Variants in PSMA4 observed in about 807,000 individuals in gnomAD.
The protein encoded by PSMA4 is proteasome 20S subunit alpha 4.
A neutral mutation model predicts 37.2 loss-of-function variants in PSMA4; 8 were observed. The ratio of observed to expected loss-of-function variants is 0.22; its 90% CI spans 0.13 to 0.39. PSMA4 has a LOEUF of 0.39. Ranked by LOEUF, PSMA4 falls within the 10% of genes least tolerant of loss-of-function variation. The pLI, the probability that PSMA4 is intolerant of heterozygous loss-of-function variation, is 1.00. For missense variants in PSMA4, 169 were observed against 305.1 expected, an observed-to-expected ratio of 0.55 and a Z score of 3.32; for synonymous variants, 93 against 98.8, an observed-to-expected ratio of 0.94 and a Z score of 0.35.
At chr15:78,545,806 A>T in intron 7 of PSMA4, 42 bp downstream of exon 7, 1 of 1,600,272 alleles carries the variant, frequency 6.2e-7, no homozygotes, top group Non-Finnish European at 8.6e-7. Context: ...CAGAATGTCT[A>T]ATAACTGCCA....
At chr15:78,541,453 C>T (rs1453666718) in intron 1 of PSMA4, 1 of 164,414 alleles carries the variant, frequency 6.1e-6, no homozygotes, top group Non-Finnish European at 1.3e-5. Flanking sequence ...AAAGCATCAG[C>T]AGTTTATCTC....
At chr15:78,543,440 A>G (rs2052491818) in intron 4 of PSMA4, among the ~76,000 whole-genome samples, 1 of 152,118 alleles carries the variant, frequency 6.6e-6, no homozygotes, top group African/African-American at 2.4e-5. Flanking sequence ...ATGCACCTCT[A>G]GTAGGAGCCT....
chr15:78,548,287 A>G (rs139856967), intron 8 of PSMA4, among the ~76,000 whole-genome samples: 280 of 152,096 alleles, frequency 1.8e-3, no homozygotes, highest in Non-Finnish European at 3.0e-3. Flanking sequence ...TCTTTTGTCT[A>G]CTTCCACCCA....
At chr15:78,540,850 G>C (rs2052435675) in intron 1 of PSMA4, 1 of 152,274 alleles carries the variant, frequency 6.6e-6, no homozygotes, top group African/African-American at 2.4e-5. Flanking sequence ...GTGAAAGTTA[G>C]CTCTCCCGGA....
Position 78,549,276 on chromosome 15 carries a change from A to C in PSMA4, c.*332A>C, listed in dbSNP as rs1353750928. 5.9e-6 allele frequency: 1 copy of C among 170,458 alleles called. No homozygotes were observed. Among genetic ancestry groups the C allele is most frequent in the Non-Finnish European group, 1.2e-5 (1 of 81,004 alleles). The allele number at this position is 170,458 out of a possible 1,614,324, so 10.6% of individuals were successfully genotyped here. ...TTACTTTTTGCACATTGTGGCTTAC[A>C]GTCCTTTCACAAAGATGGGCACGTT... On this transcript the variant is annotated 3_prime_UTR_variant, in exon 9 of 9. Transcript: ENST00000044462.
chr15:78,543,564 A>ATC, intron 4 of PSMA4, among the ~76,000 whole-genome samples: 1 of 75,092 alleles, frequency 1.3e-5, no homozygotes, highest in Non-Finnish European at 2.6e-5. Flanking sequence ...GTCTAGCAAA[A>ATC]TCTTTTTTTT....
chr15:78,548,770 A>C lies in PSMA4; in HGVS notation c.632-20A>C. 1 of 1,598,998 alleles carries C rather than the reference A, an allele frequency of 6.3e-7. No homozygotes were observed. Among genetic ancestry groups the C allele is most frequent in the South Asian group, 1.1e-5 (1 of 87,560 alleles). ...GCCTGCCTGCCTGCAATACAAATAA[A>C]TGTATGTGTTTGTTTTTAGTGGAAA... On this transcript the variant is annotated intron_variant, in intron 8 of 8. Coordinates refer to ENST00000044462, the MANE Select transcript of PSMA4 (RefSeq NM_002789.6).
chr15:78,540,526 G>A lies in PSMA4; in HGVS notation c.-37G>A, dbSNP rs1343338397. ...GCTCCGTGGACATCTCAGGTCTTCA[G>A]GGTCTTCCATCTGGTGAGCCTTTGG... is the stretch of plus-strand genomic sequence containing the variant. On this transcript the variant is annotated 5_prime_UTR_variant, in exon 1 of 9. Coordinates refer to ENST00000044462, the MANE Select transcript of PSMA4 (RefSeq NM_002789.6). 2.0e-5 allele frequency: 3 copies of A among 152,456 alleles called. No homozygotes were observed. Among genetic ancestry groups the A allele is most frequent in the African/African-American group, 7.2e-5 (3 of 41,470 alleles). The allele number at this position is 152,456 out of a possible 1,614,324, so 9.4% of individuals were successfully genotyped here. A position where few individuals can be genotyped will look rare whatever the true frequency, so the allele number is the denominator to read the frequency against.
chr15:78,547,002 G>A (rs1018979480), intron 8 of PSMA4, among the ~76,000 whole-genome samples: 2 of 152,208 alleles, frequency 1.3e-5, no homozygotes, highest in African/African-American at 4.8e-5. Context: ...CTGACCTCAG[G>A]TGATCCTCCC....
intron 1 of PSMA4, chr15:78,540,834 C>G (rs1018061136): frequency 6.6e-6 from 1 of 152,174 alleles, no homozygotes; most frequent in African/African-American, 2.4e-5. Context: ...CTCAGGAGTT[C>G]GGTACGTGAA....
At chr15:78,547,201 T>C (rs1001272041) in intron 8 of PSMA4, among the ~76,000 whole-genome samples, 13 of 152,230 alleles carry the variant, frequency 8.5e-5, no homozygotes, top group African/African-American at 2.9e-4. Context: ...AAGATCAACA[T>C]TGGTAAATTG....
At chr15:78,544,739 C>G in intron 5 of PSMA4, 130 bp from the exon 6 acceptor site, 1 of 553,956 alleles carries the variant, frequency 1.8e-6, no homozygotes, top group Admixed American at 3.5e-5. Context: ...TTGACTTGTT[C>G]CCTCCCCTTC....
At chr15:78,548,706 A>G in intron 8 of PSMA4, 84 bp from the exon 9 acceptor site, 1 of 1,519,760 alleles carries the variant, frequency 6.6e-7, no homozygotes, top group Non-Finnish European at 8.8e-7. Context: ...TGTGGCGAGC[A>G]TAAACCATGA....
intron 7 of PSMA4, 69 bp from the exon 8 acceptor site, chr15:78,546,506 C>G: frequency 7.3e-7 from 1 of 1,378,728 alleles, no homozygotes; most frequent in Non-Finnish European, 9.8e-7. Context: ...AGGCATTTTT[C>G]TTCTAGACCA....
At position 78,550,137 on chromosome 15, in the gene PSMA4, A is replaced by T. The variant is rs1402953511; in HGVS notation, c.*1193A>T. On this transcript the variant is annotated 3_prime_UTR_variant, in exon 9 of 9. Coordinates refer to ENST00000044462, the MANE Select transcript of PSMA4 (RefSeq NM_002789.6). Reference sequence around the variant, plus strand: ...GTTATGTTCTAAAGTCACCACAAAAACTAACAAAATACTGAACTCTTGCAC... The same window carrying T: ...GTTATGTTCTAAAGTCACCACAAAATCTAACAAAATACTGAACTCTTGCAC... The T allele has an allele frequency of 6.6e-6, 1 of 152,248 alleles. No homozygotes were observed. The highest frequency in any genetic ancestry group is 2.4e-5 in the African/African-American group (1 of 41,460). 9.4% of individuals were successfully genotyped at this position (152,248 alleles called of 1,614,324 possible).
rs368498566 is a variant in PSMA4 at position 78,542,179 on chromosome 15, T to G, written c.6T>G (p.Ser2=). The change falls in exon 3 of 9, where the codon TCT becomes TCG. Residue 2 remains serine (S), a splice_region_variant and synonymous_variant. Coordinates refer to ENST00000044462, the MANE Select transcript of PSMA4 (RefSeq NM_002789.6). M[S]RRYDSRTTIF... ...ACTCATGTGTTTTTCCTTTGCAGTC[T>G]CGAAGATATGACTCCAGGACCACTA... The G allele has an allele frequency of 6.2e-7, 1 of 1,612,130 alleles. No homozygotes were observed. Among genetic ancestry groups the G allele is most frequent in the Non-Finnish European group, 8.5e-7 (1 of 1,179,278 alleles).
intron 5 of PSMA4, chr15:78,544,468 T>C: frequency 2.0e-6 from 1 of 501,086 alleles, no homozygotes; most frequent in Non-Finnish European, 3.6e-6. Flanking sequence ...ACCGGGTTAA[T>C]TTTTGTATTT....
At chr15:78,542,140 A>T in intron 2 of PSMA4, 37 bp from the exon 3 acceptor site, 1 of 1,602,600 alleles carries the variant, frequency 6.2e-7, no homozygotes, top group African/African-American at 1.3e-5. Flanking sequence ...GCCTACTTTC[A>T]GTGGGTAGGA....
intron 7 of PSMA4, 80 bp from the exon 8 acceptor site, chr15:78,546,495 C>G: frequency 8.0e-7 from 1 of 1,243,788 alleles, no homozygotes; most frequent in Non-Finnish European, 1.1e-6. Context: ...AATAATAATT[C>G]AGGCATTTTT....
Sources: gnomAD v4.1 joint callset for allele counts (sites outside exome capture counted in the v4.1 genomes callset) on GRCh38, gnomAD v4.1.1 for gene constraint, MANE v1.5 for transcripts, NCBI Gene and HGNC (gene_info 2026-07-23, HGNC 2026-07-21) for gene names.